ZHX3: variants seen among roughly 807,000 people sequenced by gnomAD.
The protein encoded by ZHX3 is zinc fingers and homeoboxes 3.
A neutral mutation model predicts 64.5 loss-of-function variants in ZHX3; 20 were observed. That is an observed-to-expected ratio of 0.31 (90% CI 0.22 to 0.45). The LOEUF is 0.45. Among genes scored for constraint, ZHX3 ranks in the 20% least tolerant of loss-of-function variants. ZHX3 has a pLI of 1.00. For synonymous variants in ZHX3, 423 were observed against 461.6 expected (o/e 0.92, Z 1.07); for missense variants, 1,041 against 1,195.8 (o/e 0.87, Z 1.91).
At chr20:41,261,234 GTAGAGT>G (rs2042547022) in intron 2 of ZHX3, among the ~76,000 whole-genome samples, 1 of 152,136 alleles carries the variant, frequency 6.6e-6, no homozygotes, top group Non-Finnish European at 1.5e-5. Context: ...GGGGAATCTA[GTAGAGT>G]TATTTTTTAT....
rs2036288750 is a variant in ZHX3, at chr20:41,182,599, A to T, written c.*2592T>A. The T allele has an allele frequency of 6.6e-6, 1 of 151,210 alleles. No homozygotes were observed. The highest frequency in any genetic ancestry group is 2.4e-5 in the African/African-American group (1 of 41,230). The allele number at this position is 151,210 out of a possible 1,614,324, so 9.4% of individuals were successfully genotyped here. On this transcript the variant is annotated 3_prime_UTR_variant, in exon 4 of 4. Coordinates refer to ENST00000683867, the MANE Select transcript of ZHX3 (RefSeq NM_001384317.1). The surrounding 1 kb of genome is among the most constrained non-coding windows in gnomAD (Gnocchi z 6.1). ...CTGCGTGATGACTGCCTCCCTCATCATCGCTTTTGATCATCTTTCAAGGAT... is the reference window on the plus strand; with the variant it reads ...CTGCGTGATGACTGCCTCCCTCATCTTCGCTTTTGATCATCTTTCAAGGAT...
At chr20:41,260,726 T>C (rs1036049639) in intron 2 of ZHX3, among the ~76,000 whole-genome samples, 1 of 152,230 alleles carries the variant, frequency 6.6e-6, no homozygotes, top group African/African-American at 2.4e-5. Context: ...CTGGACACCT[T>C]TCTTTCTAAG....
intron 1 of ZHX3, among the ~76,000 whole-genome samples, chr20:41,269,862 T>A (rs2043043014): frequency 6.6e-6 from 1 of 150,954 alleles, no homozygotes; most frequent in Non-Finnish European, 1.5e-5. Context: ...CATCCATGAA[T>A]GTACACATTT....
intron 1 of ZHX3, chr20:41,271,855 G>A (rs1020492494): frequency 1.3e-5 from 2 of 151,796 alleles, no homozygotes; most frequent in African/African-American, 4.8e-5. Context: ...TGACACCAAG[G>A]TCACTGACAA....
intron 1 of ZHX3, among the ~76,000 whole-genome samples, chr20:41,305,738 C>A (rs1038902938): frequency 7.9e-5 from 12 of 151,838 alleles, no homozygotes; most frequent in African/African-American, 2.9e-4. Flanking sequence ...GAGCCGAGAT[C>A]GCGCCACTGC....
Position 41,204,829 on chromosome 20 carries a change from C to T in ZHX3, c.88G>A (p.Ala30Thr), listed in dbSNP as rs779915273. The change falls in exon 3 of 4, where the codon GCT becomes ACT. Residue 30 changes from alanine (A) to threonine (T), a missense_variant. Coordinates refer to ENST00000683867, the MANE Select transcript of ZHX3 (RefSeq NM_001384317.1). The surrounding 1 kb of genome is among the most constrained non-coding windows in gnomAD (Gnocchi z 6.6). ...TGGGGTCCTTCAGGCAAGGTCTCAG[C>T]GGGCTGGGCCTCCATGCTGGCATCT... Reference protein sequence around the residue: ...LQDASMEAQPAETLPEGPQQD... With the variant: ...LQDASMEAQPTETLPEGPQQD... 1.4e-5 allele frequency: 23 copies of T among 1,605,092 alleles called. No homozygotes were observed. The East Asian group carries it at 1.8e-4, about 12-fold the overall frequency.
intron 1 of ZHX3, among the ~76,000 whole-genome samples, chr20:41,310,886 G>A (rs2045114648): frequency 3.8e-5 from 5 of 132,372 alleles, no homozygotes. Context: ...TCGGCTCACT[G>A]CAACCTCCCC....
intron 3 of ZHX3, among the ~76,000 whole-genome samples, chr20:41,187,764 A>G (rs2036648846): frequency 6.6e-6 from 1 of 152,184 alleles, no homozygotes; most frequent in Non-Finnish European, 1.5e-5. Context: ...GAGATTCTAT[A>G]TAAACTTTAG....
Position 41,309,581 on chromosome 20 carries a change from T to G in ZHX3, c.-245+7928A>C, listed in dbSNP as rs888060793. ...TCAGAAGTATAATGAACCTGGGCCA[T>G]GGCCGACTCCTTCCTGAGAGACCTG... On this transcript the variant is annotated intron_variant, in intron 1 of 3. Transcript: ENST00000683867. 3.3e-5 allele frequency among the ~76,000 whole-genome samples: 5 copies of G among 152,324 alleles called. No homozygotes were observed. The South Asian group carries it at 1.0e-3, about 32-fold the overall frequency.
At position 41,196,086 on chromosome 20, in the gene ZHX3, A is replaced by G. The variant is rs182043763; in HGVS notation, c.2860+5971T>C. Among the ~76,000 whole-genome samples the G allele has an allele frequency of 2.6e-4, 40 of 151,320 alleles. No homozygotes were observed. The East Asian group carries it at 7.6e-3, about 29-fold the overall frequency. On this transcript the variant is annotated intron_variant, in intron 3 of 3. Coordinates refer to ENST00000683867, the MANE Select transcript of ZHX3 (RefSeq NM_001384317.1). ...GCTGTTGTTGGGTGGTATTCTGCTTATGTCTATTTGGTCTAATTTGCTTAG... is the reference window on the plus strand; with the variant it reads ...GCTGTTGTTGGGTGGTATTCTGCTTGTGTCTATTTGGTCTAATTTGCTTAG...
intron 1 of ZHX3, among the ~76,000 whole-genome samples, chr20:41,295,986 TA>T (rs2044497098): frequency 6.6e-6 from 1 of 152,192 alleles, no homozygotes; most frequent in Admixed American, 6.5e-5. Context: ...TTGTCCTTTA[TA>T]ATGCTATTTA....
chr20:41,234,438 C>T (rs751986256), intron 2 of ZHX3, among the ~76,000 whole-genome samples: 1 of 152,192 alleles, frequency 6.6e-6, no homozygotes, highest in African/African-American at 2.4e-5. Context: ...ATCCTCCTTA[C>T]CTTGGTTCAT....
chr20:41,185,270 C>G lies in ZHX3; in HGVS notation c.2861-69G>C. On this transcript the variant is annotated intron_variant, in intron 3 of 3. Coordinates refer to ENST00000683867, the MANE Select transcript of ZHX3 (RefSeq NM_001384317.1). This position sits in a 1 kb window ranked among gnomAD's most constrained non-coding sequence, Gnocchi z 5.0. ...CACCTGCCCCCCAGGCAGCCTGGTC[C>G]TTGCTATACCAGGGTGGCATCACTG... The G allele has an allele frequency of 6.6e-7, 1 of 1,521,272 alleles. No homozygotes were observed. Among genetic ancestry groups the G allele is most frequent in the Non-Finnish European group, 8.9e-7 (1 of 1,127,136 alleles). 94.2% of individuals were successfully genotyped at this position (1,521,272 alleles called of 1,614,324 possible).
intron 1 of ZHX3, among the ~76,000 whole-genome samples, chr20:41,274,701 T>C (rs1012464832): frequency 1.3e-5 from 2 of 152,290 alleles, no homozygotes; most frequent in East Asian, 1.9e-4. Context: ...ACTGGTTCAT[T>C]TGAAACCAGT....
chr20:41,206,760 C>A (rs917190435), intron 2 of ZHX3, among the ~76,000 whole-genome samples: 3 of 152,144 alleles, frequency 2.0e-5, no homozygotes, highest in Non-Finnish European at 4.4e-5. Context: ...CCCAACCTAG[C>A]AAGGCAGGCC....
chr20:41,311,810 T>G (rs779656920), intron 1 of ZHX3, among the ~76,000 whole-genome samples: 7 of 152,238 alleles, frequency 4.6e-5, no homozygotes, highest in Non-Finnish European at 8.8e-5. Context: ...GATTTAGAGA[T>G]AATGTGTGAA....
At chr20:41,314,387 T>C (rs2045230302) in intron 1 of ZHX3, among the ~76,000 whole-genome samples, 1 of 152,126 alleles carries the variant, frequency 6.6e-6, no homozygotes, top group South Asian at 2.1e-4. Context: ...AAGGACAGAA[T>C]TGCCAGAAAA....
intron 3 of ZHX3, among the ~76,000 whole-genome samples, chr20:41,192,131 G>C (rs1568788294): frequency 6.6e-6 from 1 of 152,200 alleles, no homozygotes; most frequent in African/African-American, 2.4e-5. Context: ...TGTGTTGGCA[G>C]TGGCTGCAAC....
intron 1 of ZHX3, among the ~76,000 whole-genome samples, chr20:41,300,688 T>C (rs1369327633): frequency 6.6e-6 from 1 of 152,130 alleles, no homozygotes; most frequent in Non-Finnish European, 1.5e-5. Context: ...GAGACGAAGC[T>C]GGAAAGGCAA....
Sources: allele counts gnomAD v4.1 joint callset (sites outside exome capture counted in the v4.1 genomes callset), GRCh38; gene constraint gnomAD v4.1.1; non-coding constraint Gnocchi (gnomAD v3.1); transcripts MANE v1.5; gene names NCBI Gene and HGNC (gene_info 2026-07-23, HGNC 2026-07-21).